Variants in HMCN1 observed in about 807,000 individuals in gnomAD.
HMCN1 encodes hemicentin-1.
Under a neutral mutation model 625.9 loss-of-function variants are expected in HMCN1, and 321 were observed. The observed-to-expected ratio is 0.51, with a 90% confidence interval of 0.47 to 0.56. HMCN1 has a LOEUF of 0.56. Among genes scored for constraint, HMCN1 ranks in the 20% least tolerant of loss-of-function variants. The probability of loss-of-function intolerance (pLI) is 0.00; values close to 1 mark genes in which losing one functional copy is unlikely to be tolerated. For synonymous variants in HMCN1, 2,425 were observed against 2,417.6 expected, an observed-to-expected ratio of 1.00 and a Z score of -0.09; for missense variants, 6,588 against 6,887.3, an observed-to-expected ratio of 0.96 and a Z score of 1.54.
At chr1:186,045,659 T>C in intron 40 of HMCN1, 29 bp from the exon 41 acceptor site, 1 of 1,580,588 alleles carries the variant, frequency 6.3e-7, no homozygotes, top group Non-Finnish European at 8.7e-7. Context: ...GCCTGTTTTA[T>C]CCTGAAAGAA....
chr1:186,091,002 C>T (rs934836543), intron 64 of HMCN1, 85 bp downstream of exon 64: 32 of 1,422,230 alleles, frequency 2.2e-5, no homozygotes, highest in Non-Finnish European at 3.1e-5. Context: ...AATAATAATA[C>T]CGAATTCCAT....
chr1:185,884,775 C>T (rs6664313), intron 4 of HMCN1, among the ~76,000 whole-genome samples: 1 of 151,670 alleles, frequency 6.6e-6, no homozygotes, highest in Non-Finnish European at 1.5e-5. Flanking sequence ...GGACTGAAGG[C>T]GAAAAGTGCA....
intron 11 of HMCN1, among the ~76,000 whole-genome samples, chr1:185,935,415 A>G (rs905780847): frequency 1.3e-5 from 2 of 152,116 alleles, no homozygotes; most frequent in Non-Finnish European, 1.5e-5. Flanking sequence ...AAGTAGTTCC[A>G]TGGACATTTT....
intron 45 of HMCN1, among the ~76,000 whole-genome samples, chr1:186,057,031 T>TCTCACACACACACACACA (rs1553284156): frequency 5.4e-5 from 8 of 148,034 alleles, no homozygotes; most frequent in African/African-American, 1.7e-4. Flanking sequence ...TCCAGGAATG[T>TCTCACACACACACACACA]CACACACACA....
chr1:185,928,606 T>C lies in HMCN1; in HGVS notation c.1491T>C (p.Tyr497=). The change falls in exon 10 of 107, where the codon TAT becomes TAC. Residue 497 remains tyrosine, a synonymous_variant. Coordinates refer to ENST00000271588, the MANE Select transcript of HMCN1 (RefSeq NM_031935.3). The part of the protein sequence containing the change: ...AKVTLSDEGF[Y]ECIAVSSAGT... ...TCACTTTGTCTGACGAAGGTTTCTA[T>C]GAATGCATTGCTGTCAGCAGTGCAG... 1 of 1,613,518 alleles carries C rather than the reference T, an allele frequency of 6.2e-7. No homozygotes were observed. Among genetic ancestry groups the C allele is most frequent in the Non-Finnish European group, 8.5e-7 (1 of 1,179,466 alleles).
At chr1:185,854,545 G>T (rs1055090702) in intron 2 of HMCN1, among the ~76,000 whole-genome samples, 1 of 152,046 alleles carries the variant, frequency 6.6e-6, no homozygotes, top group Admixed American at 6.6e-5. Flanking sequence ...TCTTTGGCAG[G>T]CATATTACAT....
chr1:186,054,137 C>G, intron 44 of HMCN1, 151 bp downstream of exon 44: 1 of 836,286 alleles, frequency 1.2e-6, no homozygotes. Context: ...GCTGACATAA[C>G]TGGAGAGCAA....
intron 63 of HMCN1, among the ~76,000 whole-genome samples, chr1:186,089,749 A>G (rs1659733115): frequency 6.6e-6 from 1 of 151,974 alleles, no homozygotes. Context: ...AGTGCTTGTC[A>G]TATATTAGAT....
chr1:185,771,940 C>T (rs1235179466), intron 1 of HMCN1, among the ~76,000 whole-genome samples: 1 of 152,076 alleles, frequency 6.6e-6, no homozygotes, highest in Non-Finnish European at 1.5e-5. Context: ...AATTAATTTT[C>T]TCATGGGGAG....
rs1653695575 is a variant in HMCN1, at chr1:186,007,190, A to C, written c.4538A>C (p.Lys1513Thr). Reference sequence around the variant, plus strand: ...GACAGAGGACAAGTCTTACATTTAAAGAATGCACGGAGAAATGACAAGGGG... The same window carrying C: ...GACAGAGGACAAGTCTTACATTTAACGAATGCACGGAGAAATGACAAGGGG... ...LLDRGQVLHL[K>T]NARRNDKGRY... The change falls in exon 30 of 107, where the codon AAG (lysine) becomes ACG (threonine). Residue 1513 changes from lysine (K) to threonine (T), a missense_variant. Transcript: ENST00000271588. 3 of 1,613,360 alleles carry C rather than the reference A, an allele frequency of 1.9e-6. No individual in the cohort carries two copies. The highest frequency in any genetic ancestry group is 2.5e-6 in the Non-Finnish European group (3 of 1,179,382).
At chr1:185,757,292 A>T (rs891626776) in intron 1 of HMCN1, among the ~76,000 whole-genome samples, 9 of 152,124 alleles carry the variant, frequency 5.9e-5, no homozygotes, top group African/African-American at 2.2e-4. Context: ...ATAAAATATA[A>T]ATTTCTTCCT....
intron 11 of HMCN1, among the ~76,000 whole-genome samples, chr1:185,935,952 C>T (rs1488140638): frequency 6.6e-6 from 1 of 152,114 alleles, no homozygotes; most frequent in African/African-American, 2.4e-5. Context: ...AAATTAATTT[C>T]ACTTTAATGC....
At chr1:186,029,389 T>C (rs1406795816) in intron 36 of HMCN1, among the ~76,000 whole-genome samples, 1 of 152,166 alleles carries the variant, frequency 6.6e-6, no homozygotes, top group Non-Finnish European at 1.5e-5. Flanking sequence ...CACAAAGAGA[T>C]CACACATATA....
intron 49 of HMCN1, among the ~76,000 whole-genome samples, chr1:186,067,404 A>T (rs960737949): frequency 1.3e-5 from 2 of 152,046 alleles, no homozygotes; most frequent in Non-Finnish European, 2.9e-5. Context: ...TGCTCCCAAC[A>T]TGTTCCCTCT....
intron 1 of HMCN1, among the ~76,000 whole-genome samples, chr1:185,826,785 A>G (rs1308954723): frequency 6.6e-6 from 1 of 152,210 alleles, no homozygotes; most frequent in Non-Finnish European, 1.5e-5. Context: ...CCTACATCAC[A>G]GGAAAAATTG....
Position 185,922,333 on chromosome 1 carries a change from C to G in HMCN1, c.901-46C>G, listed in dbSNP as rs752676274. 4.3e-6 allele frequency: 7 copies of G among 1,609,634 alleles called. No homozygotes were observed. The East Asian group carries it at 1.6e-4, about 36-fold the overall frequency. The stretch of plus-strand genomic sequence containing the variant: ...ACTGGCGAGGGTTGCATATGACCAG[C>G]ATACTGGATCAACTGCTGACCAGGT... On this transcript the variant is annotated intron_variant, in intron 6 of 106. Coordinates refer to ENST00000271588, the MANE Select transcript of HMCN1 (RefSeq NM_031935.3).
At chr1:186,106,388 C>T (rs7552781) in intron 69 of HMCN1, among the ~76,000 whole-genome samples, 96,510 of 152,066 alleles carry the variant, frequency 0.63, 32,850 homozygotes, top group African/African-American at 0.9. Flanking sequence ...TATTACATAA[C>T]ATAACTGTTT....
intron 102 of HMCN1, among the ~76,000 whole-genome samples, chr1:186,173,650 A>AAAAG (rs1428875604): frequency 2.0e-5 from 3 of 151,076 alleles, no homozygotes; most frequent in African/African-American, 7.3e-5. Flanking sequence ...CAAAAAAAAA[A>AAAAG]AAAAAGAAAA....
chr1:186,153,997 T>TAAAAG lies in HMCN1; in HGVS notation c.15256+15_15256+19dup. 6.2e-7 allele frequency: 1 copy of TAAAAG among 1,600,738 alleles called. No individual in the cohort carries two copies. The highest frequency in any genetic ancestry group is 8.6e-7 in the Non-Finnish European group (1 of 1,167,950). ...GCTTCAATATCCAAAGGTAATTTGATAAAAGAAAATCCATATCTTTATGCC... is the reference window on the plus strand; with the variant it reads ...GCTTCAATATCCAAAGGTAATTTGATAAAAGAAAAGAAAATCCATATCTTTATGCC... On this transcript the variant is annotated intron_variant, in intron 97 of 106. Coordinates refer to ENST00000271588, the MANE Select transcript of HMCN1 (RefSeq NM_031935.3).
Sources: allele counts gnomAD v4.1 joint callset (sites outside exome capture counted in the v4.1 genomes callset), GRCh38; gene constraint gnomAD v4.1.1; transcripts MANE v1.5; gene names NCBI Gene and HGNC (gene_info 2026-07-23, HGNC 2026-07-21).